The following MAST4 variants were observed in gnomAD, a reference collection of about 807,000 sequenced individuals.
MAST4 encodes the protein microtubule associated serine/threonine kinase family member 4.
Under a neutral mutation model 162.7 loss-of-function variants are expected in MAST4, and 89 were observed. That is an observed-to-expected ratio of 0.55 (90% CI 0.46 to 0.65). MAST4 has a LOEUF of 0.65. Among genes scored for constraint, MAST4 ranks in the 30% least tolerant of loss-of-function variants. The probability of loss-of-function intolerance (pLI) is 0.00; values close to 1 mark genes in which losing one functional copy is unlikely to be tolerated. For missense variants in MAST4, 3,153 were observed against 3,374.0 expected (o/e 0.93, Z 1.62); for synonymous variants, 1,479 against 1,361.1 (o/e 1.09, Z -1.91).
intron 4 of MAST4, among the ~76,000 whole-genome samples, chr5:66,970,330 G>A (rs184128204): frequency 6.6e-6 from 1 of 152,204 alleles, no homozygotes; most frequent in Admixed American, 6.5e-5. Context: ...GGAAGGGCAA[G>A]CATAATAAAC....
rs141869957 is a variant in MAST4, at chr5:66,624,283, G to T, written c.363+27265G>T. Among the ~76,000 whole-genome samples, 173 of 149,486 alleles carry T rather than the reference G, an allele frequency of 1.2e-3. 1 individual carries two copies. Among genetic ancestry groups the T allele is most frequent in the African/African-American group, 4.0e-3 (162 of 40,326 alleles). On this transcript the variant is annotated intron_variant, in intron 1 of 28. Transcript: ENST00000403625. ...TTCTCTTGCCTCAGCCTCCCCAGCA[G>T]CTGGGACTACAGGTGCATGCTGCCA... is the stretch of plus-strand genomic sequence containing the variant.
chr5:66,766,991 T>A (rs1438589517), intron 2 of MAST4, among the ~76,000 whole-genome samples: 2 of 152,196 alleles, frequency 1.3e-5, no homozygotes, highest in African/African-American at 4.8e-5. Flanking sequence ...ACATTCCATC[T>A]TCTGGTTTTG....
At chr5:66,816,109 G>C (rs1386414659) in intron 3 of MAST4, among the ~76,000 whole-genome samples, 3 of 152,160 alleles carry the variant, frequency 2.0e-5, no homozygotes, top group Admixed American at 2.0e-4. Flanking sequence ...GGTGAAAAGA[G>C]ATTAAAAATA....
intron 3 of MAST4, among the ~76,000 whole-genome samples, chr5:66,864,162 C>T (rs1207078220): frequency 2.0e-5 from 3 of 151,996 alleles, no homozygotes; most frequent in Non-Finnish European, 2.9e-5. Context: ...GACAAACATA[C>T]ATATACAGTA....
At chr5:66,903,927 C>T (rs913546793) in intron 4 of MAST4, among the ~76,000 whole-genome samples, 1 of 152,172 alleles carries the variant, frequency 6.6e-6, no homozygotes, top group Non-Finnish European at 1.5e-5. Flanking sequence ...GCTCCCTGAG[C>T]ACAAGTGGTG....
intron 3 of MAST4, among the ~76,000 whole-genome samples, chr5:66,887,731 A>G (rs1762127703): frequency 6.6e-6 from 1 of 152,208 alleles, no homozygotes; most frequent in Non-Finnish European, 1.5e-5. Context: ...CTGTGTGAGA[A>G]AATGTCCCTT....
At chr5:66,672,270 C>T (rs140556624) in intron 1 of MAST4, among the ~76,000 whole-genome samples, 15 of 152,326 alleles carry the variant, frequency 9.8e-5, no homozygotes, top group African/African-American at 1.7e-4. Context: ...TAACTATTGA[C>T]ACCTGGGAAG....
intron 1 of MAST4, among the ~76,000 whole-genome samples, chr5:66,599,783 G>A (rs550164969): frequency 6.6e-6 from 1 of 152,296 alleles, no homozygotes; most frequent in South Asian, 2.1e-4. Flanking sequence ...GTGACAAGGC[G>A]ATGTGAGTGT....
intron 2 of MAST4, among the ~76,000 whole-genome samples, chr5:66,781,003 A>G (rs987731362): frequency 1.3e-5 from 2 of 152,192 alleles, no homozygotes; most frequent in African/African-American, 4.8e-5. Flanking sequence ...TTCTTTCAGC[A>G]TGTCTCCAAG....
chr5:67,153,462 TAGA>T lies in MAST4; in HGVS notation c.3536_3538del (p.Glu1179del), dbSNP rs1263402157. On this transcript the variant is annotated inframe_deletion, in exon 26 of 29. Transcript: ENST00000403625. ...TCCTCTCCTCTTGGACTTTAGAATG[TAGA>T]AGAAGGAAGTCCGGCATGCCAGGCA... 1.2e-6 allele frequency: 2 copies of T among 1,603,640 alleles called. No homozygotes were observed. Among genetic ancestry groups the T allele is most frequent in the East Asian group, 2.2e-5 (1 of 44,692 alleles).
rs918532140 is a variant in MAST4 at position 66,596,403 on chromosome 5, G to T, written c.-253G>T. The T allele has an allele frequency of 1.0e-5, 4 of 384,548 alleles. No individual in the cohort carries two copies. The highest frequency in any genetic ancestry group is 1.8e-5 in the Non-Finnish European group (4 of 219,502). 23.8% of individuals were successfully genotyped at this position (384,548 alleles called of 1,614,324 possible). A position where few individuals can be genotyped will look rare whatever the true frequency, so the allele number is the denominator to read the frequency against. On this transcript the variant is annotated 5_prime_UTR_variant, in exon 1 of 29. Coordinates refer to ENST00000403625, the MANE Select transcript of MAST4 (RefSeq NM_001164664.2). ...GTGCAGCGCGGGAGCACAGTGGAGC[G>T]CAGATCGCGGACCCGAGCGGGCATG... is the stretch of plus-strand genomic sequence containing the variant.
chr5:67,021,111 A>C (rs1320269639), intron 4 of MAST4, among the ~76,000 whole-genome samples: 4 of 152,076 alleles, frequency 2.6e-5, no homozygotes, highest in Non-Finnish European at 5.9e-5. Context: ...TCCTTTAGGC[A>C]CTCTTTCAAG....
rs73765332 is a variant in MAST4 at position 66,760,680 on chromosome 5, G to A, written c.517+818G>A. ...TGGTCTGGATTCTTTTGCTCAGTGT[G>A]ATGTTTTTAAGATTCACCCATGTTG... On this transcript the variant is annotated intron_variant, in intron 2 of 28. Coordinates refer to ENST00000403625, the MANE Select transcript of MAST4 (RefSeq NM_001164664.2). Among the ~76,000 whole-genome samples, 1,020 of 152,214 alleles carry A rather than the reference G, an allele frequency of 6.7e-3. 8 individuals carry two copies. The highest frequency in any genetic ancestry group is 0.023 in the African/African-American group (941 of 41,520).
chr5:66,849,410 C>G (rs935917341), intron 3 of MAST4, among the ~76,000 whole-genome samples: 2 of 152,122 alleles, frequency 1.3e-5, no homozygotes, highest in African/African-American at 4.8e-5. Flanking sequence ...CCTGTCTATT[C>G]TCCCCTCCAC....
intron 4 of MAST4, chr5:67,004,903 T>TA (rs1751787861): frequency 5.8e-6 from 4 of 687,030 alleles, no homozygotes; most frequent in Non-Finnish European, 8.1e-6. Flanking sequence ...ATTTTTTTTT[T>TA]ATTTTTGGCC....
At position 67,113,316 on chromosome 5, in the gene MAST4, A is replaced by AG. The variant is rs1219169680; in HGVS notation, c.1459-771_1459-770insG. ...GCGACAGAGCGAGACTCCGTCTCAAAAAAAAAAAAAAAAAAAAAAAAAGGA... is the reference window on the plus strand; with the variant it reads ...GCGACAGAGCGAGACTCCGTCTCAAAGAAAAAAAAAAAAAAAAAAAAAAGGA... On this transcript the variant is annotated intron_variant, in intron 11 of 28. Transcript: ENST00000403625. 3.4e-5 allele frequency among the ~76,000 whole-genome samples: 5 copies of AG among 147,888 alleles called. No individual in the cohort carries two copies. In the East Asian group the frequency reaches 9.8e-4, roughly 29 times the overall value.
At chr5:67,148,870 A>C (rs1771424898) in intron 23 of MAST4, among the ~76,000 whole-genome samples, 1 of 152,234 alleles carries the variant, frequency 6.6e-6, no homozygotes, top group Non-Finnish European at 1.5e-5. Flanking sequence ...GTGTTCTAAC[A>C]GCACAGACGT....
At chr5:67,071,859 G>C (rs908765966) in intron 5 of MAST4, among the ~76,000 whole-genome samples, 1 of 152,162 alleles carries the variant, frequency 6.6e-6, no homozygotes, top group Non-Finnish European at 1.5e-5. Flanking sequence ...ATAGGAAAAT[G>C]AAAGTTTAAA....
rs1461460397 is a variant in MAST4, at chr5:66,663,410, G to A, written c.363+66392G>A. On this transcript the variant is annotated intron_variant, in intron 1 of 28. Coordinates refer to ENST00000403625, the MANE Select transcript of MAST4 (RefSeq NM_001164664.2). ...ACAATTAAACTTAATTTAAAAAATC[G>A]ATGTCAAATGGAGAAAAATAAAGCA... Among the ~76,000 whole-genome samples, 24 of 152,158 alleles carry A rather than the reference G, an allele frequency of 1.6e-4. 1 individual carries two copies. The highest frequency in any genetic ancestry group is 3.4e-4 in the Non-Finnish European group (23 of 68,034).
Sources: allele counts gnomAD v4.1 joint callset (sites outside exome capture counted in the v4.1 genomes callset), GRCh38; gene constraint gnomAD v4.1.1; transcripts MANE v1.5; gene names NCBI Gene and HGNC (gene_info 2026-07-23, HGNC 2026-07-21).